RNF10: variants seen among roughly 807,000 people sequenced by gnomAD.
The protein encoded by RNF10 is ring finger protein 10.
In RNF10, 38 loss-of-function variants were observed where a neutral mutation model predicts 91.4. The observed-to-expected ratio is 0.42, with a 90% CI of 0.32 to 0.54. RNF10 has a LOEUF of 0.54. Among genes scored for constraint, RNF10 ranks in the 20% least tolerant of loss-of-function variants. The probability of loss-of-function intolerance (pLI) is 0.16; values close to 1 mark genes in which losing one functional copy is unlikely to be tolerated. For missense variants in RNF10, 945 were observed against 1,012.0 expected, an observed-to-expected ratio of 0.93 and a Z score of 0.90; for synonymous variants, 364 against 366.3, an observed-to-expected ratio of 0.99 and a Z score of 0.07.
chr12:120,565,429 T>A lies in RNF10; in HGVS notation c.1785T>A (p.Asp595Glu). 2 of 1,613,902 alleles carry A rather than the reference T, an allele frequency of 1.2e-6. No individual in the cohort carries two copies. Among genetic ancestry groups the A allele is most frequent in the Non-Finnish European group, 1.7e-6 (2 of 1,179,926 alleles). The change falls in exon 12 of 17, where the codon GAT becomes GAA. Residue 595 changes from aspartate (D) to glutamate (E), a missense_variant and splice_region_variant. By Grantham distance (45) the Asp-to-Glu change is conservative. Transcript: ENST00000325954. The part of the protein sequence containing the change: ...VSKETLEMFS[D>E]DIEKRKRQRQ... ...CTTTACAACCTGACCAATCTGCAGA[T>A]GACATTGAGAAGAGGAAACGTCAGC...
intron 10 of RNF10, 92 bp from the exon 11 acceptor site, chr12:120,564,980 T>C: frequency 1.3e-6 from 1 of 799,248 alleles, no homozygotes; most frequent in South Asian, 1.5e-5. Flanking sequence ...GCTGGCTGTG[T>C]TATGTATATA....
Position 120,538,168 on chromosome 12 carries a change from G to A in RNF10, c.157+3200G>A, listed in dbSNP as rs944178923. 4.6e-5 allele frequency among the ~76,000 whole-genome samples: 7 copies of A among 152,314 alleles called. No individual in the cohort carries two copies. The South Asian group carries it at 6.2e-4, about 14-fold the overall frequency. Reference sequence around the variant, plus strand: ...GTACTGAGTTGAGGGGAAAACAAGCGTAAGGTGAAAAGATAGTTTATCTTT... The same window carrying A: ...GTACTGAGTTGAGGGGAAAACAAGCATAAGGTGAAAAGATAGTTTATCTTT... On this transcript the variant is annotated intron_variant, in intron 1 of 16. Transcript: ENST00000325954.
intron 14 of RNF10, chr12:120,575,121 C>T (rs1877213195): frequency 6.4e-6 from 1 of 156,416 alleles, no homozygotes. Context: ...TGCCTGTAAT[C>T]CCAGCTACTT....
At position 120,563,029 on chromosome 12, in the gene RNF10, A is replaced by T. The variant is rs559619595; in HGVS notation, c.1213A>T (p.Met405Leu). The change falls in exon 8 of 17, where the codon ATG becomes TTG. Residue 405 changes from methionine to leucine, a missense_variant. Physicochemically the swap from Met to Leu is conservative, Grantham distance 15 (BLOSUM62 2). Transcript: ENST00000325954. ...GGCTGCTCTGGAACAACTGGTGCTG[A>T]TGGCTCCCTTGGCGAAGGAGTCTGT... ...VVAALEQLVL[M>L]APLAKESVFQ... is the part of the protein sequence containing the mutation. 1.2e-6 allele frequency: 2 copies of T among 1,614,106 alleles called. No homozygotes were observed. Among genetic ancestry groups the T allele is most frequent in the East Asian group, 4.5e-5 (2 of 44,878 alleles).
At chr12:120,566,318 A>G (rs1875690871) in intron 12 of RNF10, among the ~76,000 whole-genome samples, 1 of 152,222 alleles carries the variant, frequency 6.6e-6, no homozygotes, top group Admixed American at 6.5e-5. Flanking sequence ...TTTGTTACCC[A>G]GCCTCAATTA....
At chr12:120,554,904 T>TA (rs1873739047) in intron 4 of RNF10, 96 bp downstream of exon 4, 1 of 936,594 alleles carries the variant, frequency 1.1e-6, no homozygotes, top group Admixed American at 1.9e-5. Context: ...CACTGCTTGA[T>TA]ACCCTTTTCT....
At chr12:120,541,147 G>A (rs1235601745) in intron 1 of RNF10, among the ~76,000 whole-genome samples, 1 of 152,154 alleles carries the variant, frequency 6.6e-6, no homozygotes, top group Admixed American at 6.5e-5. Context: ...ATGAGCCACC[G>A]TGTCTGGCCA....
chr12:120,577,318 C>A lies in RNF10; in HGVS notation c.*652C>A. On this transcript the variant is annotated 3_prime_UTR_variant, in exon 17 of 17. Coordinates refer to ENST00000325954, the MANE Select transcript of RNF10 (RefSeq NM_014868.5). ...CTTGAGTTGGTAAGGAAAGCTGTAA[C>A]TCACGAAGCCCTGAGACCTGCTACC... is the stretch of plus-strand genomic sequence containing the variant. 1 of 385,044 alleles carries A rather than the reference C, an allele frequency of 2.6e-6. No individual in the cohort carries two copies. Among genetic ancestry groups the A allele is most frequent in the South Asian group, 1.9e-5 (1 of 52,072 alleles). 23.9% of individuals were successfully genotyped at this position (385,044 alleles called of 1,614,324 possible).
rs184435469 is a variant in RNF10, at chr12:120,552,707, T to G, written c.554+9T>G. ...CTCTTTTTACAGGCCAAGTGAGTAT[T>G]GCTACCCCTCAGAGGAAAGGGAAAG... On this transcript the variant is annotated intron_variant, in intron 3 of 16. Coordinates refer to ENST00000325954, the MANE Select transcript of RNF10 (RefSeq NM_014868.5). 4.0e-5 allele frequency: 65 copies of G among 1,612,568 alleles called. No individual in the cohort carries two copies. The African/African-American group carries it at 8.0e-4, about 20-fold the overall frequency.
At chr12:120,542,944 T>C (rs925623566) in intron 1 of RNF10, among the ~76,000 whole-genome samples, 1 of 152,174 alleles carries the variant, frequency 6.6e-6, no homozygotes, top group Non-Finnish European at 1.5e-5. Flanking sequence ...ACTGTTCTGT[T>C]TACATTGCTG....
chr12:120,577,314 G>T lies in RNF10; in HGVS notation c.*648G>T, dbSNP rs942134670. 3 of 388,380 alleles carry T rather than the reference G, an allele frequency of 7.7e-6. No individual in the cohort carries two copies. The highest frequency in any genetic ancestry group is 1.5e-5 in the Non-Finnish European group (3 of 200,328). The allele number at this position is 388,380 out of a possible 1,614,324, so 24.1% of individuals were successfully genotyped here. ...ATGGCTTGAGTTGGTAAGGAAAGCT[G>T]TAACTCACGAAGCCCTGAGACCTGC... On this transcript the variant is annotated 3_prime_UTR_variant, in exon 17 of 17. Coordinates refer to ENST00000325954, the MANE Select transcript of RNF10 (RefSeq NM_014868.5).
chr12:120,545,527 A>T (rs961655519), intron 1 of RNF10, among the ~76,000 whole-genome samples: 2 of 150,518 alleles, frequency 1.3e-5, no homozygotes, highest in Non-Finnish European at 3.0e-5. Flanking sequence ...CTGATCCAAT[A>T]TGCTTTTATT....
intron 2 of RNF10, among the ~76,000 whole-genome samples, chr12:120,550,281 A>T (rs1294636585): frequency 6.6e-6 from 1 of 152,034 alleles, no homozygotes. Context: ...GGGCAAGCTA[A>T]TTGGAAGAGA....
chr12:120,565,199 C>T lies in RNF10; in HGVS notation c.1783+10C>T. On this transcript the variant is annotated intron_variant, in intron 11 of 16. Coordinates refer to ENST00000325954, the MANE Select transcript of RNF10 (RefSeq NM_014868.5). ...CTAGAGATGTTCTCAGGTGAGAATGCCCCTGCTCTGCTTCTCTTTATAGTA... is the reference window on the plus strand; with the variant it reads ...CTAGAGATGTTCTCAGGTGAGAATGTCCCTGCTCTGCTTCTCTTTATAGTA... 6.5e-7 allele frequency: 1 copy of T among 1,538,956 alleles called. No individual in the cohort carries two copies.
In RNF10 at chr12:120,534,582, C is replaced by A; in HGVS notation, c.-230C>A. 1 of 1,034,858 alleles carries A rather than the reference C, an allele frequency of 9.7e-7. No individual in the cohort carries two copies. 64.1% of individuals were successfully genotyped at this position (1,034,858 alleles called of 1,614,324 possible). On this transcript the variant is annotated 5_prime_UTR_variant, in exon 1 of 17. Coordinates refer to ENST00000325954, the MANE Select transcript of RNF10 (RefSeq NM_014868.5). ...GCCCCGCCAGGCCCGGCCCGGACTCCCGAGCCCCGGCCTCCTCGTCCTCGG... is the reference window on the plus strand; with the variant it reads ...GCCCCGCCAGGCCCGGCCCGGACTCACGAGCCCCGGCCTCCTCGTCCTCGG...
intron 10 of RNF10, 73 bp from the exon 11 acceptor site, chr12:120,564,999 T>C (rs1565965894): frequency 1.1e-6 from 1 of 913,414 alleles, no homozygotes; most frequent in South Asian, 1.4e-5. Flanking sequence ...TATTGTTGGA[T>C]ATCGGGGTTA....
chr12:120,536,376 A>G (rs1870799783), intron 1 of RNF10, among the ~76,000 whole-genome samples: 2 of 152,192 alleles, frequency 1.3e-5, no homozygotes, highest in South Asian at 4.1e-4. Context: ...GGTGAGCTAT[A>G]TCACGATACT....
At chr12:120,536,923 A>G (rs917389644) in intron 1 of RNF10, among the ~76,000 whole-genome samples, 2 of 152,206 alleles carry the variant, frequency 1.3e-5, no homozygotes, top group African/African-American at 4.8e-5. Context: ...ACAAACAGGT[A>G]TTTAAGGAAT....
At chr12:120,535,057 C>G (rs1397676010) in intron 1 of RNF10, 89 bp downstream of exon 1, 1 of 1,381,392 alleles carries the variant, frequency 7.2e-7, no homozygotes, top group African/African-American at 1.5e-5. Context: ...TACTCGGGGA[C>G]AGGCTCCACT....
Sources: allele counts gnomAD v4.1 joint callset (sites outside exome capture counted in the v4.1 genomes callset), GRCh38; gene constraint gnomAD v4.1.1; transcripts MANE v1.5; gene names NCBI Gene and HGNC (gene_info 2026-07-23, HGNC 2026-07-21).